PLCB4: variants seen among roughly 807,000 people sequenced by gnomAD.
PLCB4 encodes the protein phospholipase C beta 4, also known as 1-phosphatidylinositol 4,5-bisphosphate phosphodiesterase beta-4.
A neutral mutation model predicts 178.8 loss-of-function variants in PLCB4; 77 were observed. That is an observed-to-expected ratio of 0.43 (90% CI 0.36 to 0.52). PLCB4 has a LOEUF of 0.52. Ranked by LOEUF, PLCB4 falls within the 20% of genes least tolerant of loss-of-function variation. The pLI is 0.00. For missense variants in PLCB4, 1,024 were observed against 1,453.4 expected, an observed-to-expected ratio of 0.70 and a Z score of 4.80; for synonymous variants, 496 against 490.8, an observed-to-expected ratio of 1.01 and a Z score of -0.14.
chr20:9,222,157 A>C (rs2093807898), intron 3 of PLCB4, among the ~76,000 whole-genome samples: 1 of 150,482 alleles, frequency 6.6e-6, no homozygotes, highest in Non-Finnish European at 1.5e-5. Flanking sequence ...GTGGCTTGAC[A>C]TAGCTCACTG....
intron 3 of PLCB4, chr20:9,280,492 C>G (rs1320954888): frequency 2.0e-6 from 2 of 978,092 alleles, no homozygotes; most frequent in Non-Finnish European, 2.4e-6. Flanking sequence ...TGTCTCTGTC[C>G]TAATTTCACT....
chr20:9,086,444 A>G (rs6140858), intron 1 of PLCB4, among the ~76,000 whole-genome samples: 31,026 of 151,902 alleles, frequency 0.2, 4,369 homozygotes, highest in East Asian at 0.65. Context: ...AAGCCGAGTG[A>G]CCTTGGTCAA....
At chr20:9,069,854 C>T (rs1235554238) in intron 1 of PLCB4, among the ~76,000 whole-genome samples, 3 of 152,154 alleles carry the variant, frequency 2.0e-5, no homozygotes, top group African/African-American at 7.2e-5. Flanking sequence ...ATAAAACTAG[C>T]ATTTTCCTAG....
intron 3 of PLCB4, among the ~76,000 whole-genome samples, chr20:9,237,740 C>A (rs1254869981): frequency 6.6e-6 from 1 of 152,202 alleles, no homozygotes; most frequent in Non-Finnish European, 1.5e-5. Context: ...AAGTGAAATG[C>A]TGAACTAAAC....
intron 27 of PLCB4, among the ~76,000 whole-genome samples, chr20:9,422,984 G>A (rs1263212753): frequency 6.6e-6 from 1 of 152,150 alleles, no homozygotes; most frequent in African/African-American, 2.4e-5. Flanking sequence ...CCAATAAAAA[G>A]GCATTCCTGA....
chr20:9,443,407 T>C (rs1245080511), intron 30 of PLCB4, among the ~76,000 whole-genome samples: 1 of 152,240 alleles, frequency 6.6e-6, no homozygotes, highest in Non-Finnish European at 1.5e-5. Flanking sequence ...ATGGGTTCAC[T>C]ATCCCATCTC....
intron 12 of PLCB4, among the ~76,000 whole-genome samples, chr20:9,378,861 A>C (rs1023379691): frequency 6.6e-6 from 1 of 152,172 alleles, no homozygotes; most frequent in African/African-American, 2.4e-5. Flanking sequence ...TCTGTTGGCC[A>C]AAAGCATTCA....
intron 25 of PLCB4, among the ~76,000 whole-genome samples, chr20:9,418,452 C>T (rs1028304866): frequency 5.9e-5 from 9 of 152,074 alleles, no homozygotes; most frequent in African/African-American, 1.9e-4. Context: ...TCTTGGCATC[C>T]TTGTCAAAAA....
At chr20:9,085,444 T>C (rs1246386495) in intron 1 of PLCB4, among the ~76,000 whole-genome samples, 1 of 152,240 alleles carries the variant, frequency 6.6e-6, no homozygotes, top group Non-Finnish European at 1.5e-5. Flanking sequence ...CTAAAACTAA[T>C]ATGTAAGATG....
intron 2 of PLCB4, among the ~76,000 whole-genome samples, chr20:9,105,483 G>C (rs2146656040): frequency 6.6e-6 from 1 of 152,128 alleles, no homozygotes; most frequent in Non-Finnish European, 1.5e-5. Flanking sequence ...TAATTCCAAA[G>C]TGCATCTGGA....
chr20:9,363,427 G>A (rs1326985652), intron 8 of PLCB4, among the ~76,000 whole-genome samples: 1 of 152,182 alleles, frequency 6.6e-6, no homozygotes, highest in Non-Finnish European at 1.5e-5. Flanking sequence ...CAAGTGCAGT[G>A]CTCCTTGTTT....
intron 18 of PLCB4, among the ~76,000 whole-genome samples, chr20:9,394,391 A>G (rs2038401568): frequency 6.6e-6 from 1 of 152,194 alleles, no homozygotes; most frequent in Non-Finnish European, 1.5e-5. Context: ...ACGTATTCAT[A>G]TACTATAGAC....
intron 2 of PLCB4, among the ~76,000 whole-genome samples, chr20:9,170,311 T>G (rs948383842): frequency 6.6e-6 from 1 of 152,234 alleles, no homozygotes; most frequent in Admixed American, 6.5e-5. Flanking sequence ...TTTAGTTTGT[T>G]AGGACTAATT....
At chr20:9,436,917 A>G in intron 29 of PLCB4, 85 bp from the exon 30 acceptor site, 1 of 1,293,932 alleles carries the variant, frequency 7.7e-7, no homozygotes, top group Non-Finnish European at 1.1e-6. Flanking sequence ...GTAGAAGTTT[A>G]CTGGATTCAG....
At chr20:9,439,336 G>A (rs933147689) in intron 30 of PLCB4, among the ~76,000 whole-genome samples, 4 of 152,120 alleles carry the variant, frequency 2.6e-5, no homozygotes, top group Non-Finnish European at 5.9e-5. Flanking sequence ...TGTTCATATG[G>A]TACTCCCTGA....
chr20:9,388,888 A>G (rs1486839026), intron 15 of PLCB4, among the ~76,000 whole-genome samples: 2 of 152,234 alleles, frequency 1.3e-5, no homozygotes, highest in Non-Finnish European at 2.9e-5. Flanking sequence ...AAGAATAACT[A>G]AATGACTACC....
At chr20:9,460,684 C>A (rs563545320) in intron 35 of PLCB4, among the ~76,000 whole-genome samples, 1 of 152,270 alleles carries the variant, frequency 6.6e-6, no homozygotes, top group Admixed American at 6.5e-5. Flanking sequence ...CAGTTAGGGT[C>A]TCTTGAGACA....
intron 2 of PLCB4, among the ~76,000 whole-genome samples, chr20:9,129,087 G>T (rs1467065845): frequency 6.6e-6 from 1 of 152,080 alleles, no homozygotes; most frequent in Non-Finnish European, 1.5e-5. Flanking sequence ...GGACACTTGG[G>T]TTGCTTCCAC....
intron 2 of PLCB4, among the ~76,000 whole-genome samples, chr20:9,138,011 TGCA>T (rs2092417921): frequency 6.6e-6 from 1 of 152,094 alleles, no homozygotes; most frequent in Non-Finnish European, 1.5e-5. Flanking sequence ...GAATTTTACG[TGCA>T]TATAAATGAG....
Sources: allele counts gnomAD v4.1 joint callset (sites outside exome capture counted in the v4.1 genomes callset), GRCh38; gene constraint gnomAD v4.1.1; transcripts MANE v1.5; gene names NCBI Gene and HGNC (gene_info 2026-07-23, HGNC 2026-07-21).